The following IL12RB2 variants were observed in gnomAD, a reference collection of about 807,000 sequenced individuals.
IL12RB2 encodes the protein interleukin 12 receptor subunit beta 2.
In IL12RB2, 82 loss-of-function variants were observed where a neutral mutation model predicts 89.4. That is an observed-to-expected ratio of 0.92 (90% CI 0.77 to 1.10). The LOEUF (loss-of-function observed/expected upper bound fraction) is 1.10. Ranked by LOEUF, IL12RB2 falls within the 50% of genes least tolerant of loss-of-function variation. The probability of loss-of-function intolerance (pLI) is 0.00; values close to 1 mark genes in which losing one functional copy is unlikely to be tolerated. For missense variants in IL12RB2, 963 were observed against 1,031.9 expected (o/e 0.93, Z 0.92); for synonymous variants, 368 against 370.1 (o/e 0.99, Z 0.07).
intron 10 of IL12RB2, among the ~76,000 whole-genome samples, chr1:67,359,724 CA>C: frequency 6.6e-6 from 1 of 151,042 alleles, no homozygotes; most frequent in Middle Eastern, 3.4e-3. Context: ...AAAAAAAAAA[CA>C]AAAAAACACA....
At chr1:67,311,702 G>A (rs998891955) in intron 1 of IL12RB2, among the ~76,000 whole-genome samples, 32 of 152,176 alleles carry the variant, frequency 2.1e-4, no homozygotes, top group African/African-American at 7.5e-4. Flanking sequence ...AGGGTTGTTA[G>A]TGTAGAGACT....
intron 9 of IL12RB2, among the ~76,000 whole-genome samples, chr1:67,350,407 T>A (rs1352197925): frequency 6.6e-6 from 1 of 152,260 alleles, no homozygotes; most frequent in Admixed American, 6.5e-5. Flanking sequence ...CTGTTTGATG[T>A]CTTGAGCAGC....
chr1:67,352,428 T>C (rs913555655), intron 10 of IL12RB2, among the ~76,000 whole-genome samples: 9 of 152,224 alleles, frequency 5.9e-5, no homozygotes, highest in Non-Finnish European at 1.0e-4. Flanking sequence ...TGGTCCAAAA[T>C]GGCTGCCAAG....
chr1:67,388,223 C>T (rs928630819), intron 15 of IL12RB2, among the ~76,000 whole-genome samples: 5 of 152,158 alleles, frequency 3.3e-5, no homozygotes, highest in Admixed American at 6.5e-5. Flanking sequence ...GAAAACAAAA[C>T]TGTGGTACTT....
At chr1:67,369,669 T>C (rs542219059) in intron 11 of IL12RB2, among the ~76,000 whole-genome samples, 51 of 152,252 alleles carry the variant, frequency 3.3e-4, no homozygotes, top group Non-Finnish European at 4.4e-5. Flanking sequence ...TTGAACTACA[T>C]GGCAAGAGAG....
intron 14 of IL12RB2, among the ~76,000 whole-genome samples, chr1:67,383,820 C>T (rs573727642): frequency 1.3e-5 from 2 of 152,350 alleles, no homozygotes; most frequent in Admixed American, 1.3e-4. Context: ...ATTTTTCACT[C>T]ATGCAAAAAT....
intron 14 of IL12RB2, among the ~76,000 whole-genome samples, chr1:67,384,285 A>C (rs12750578): frequency 0.66 from 100,523 of 152,182 alleles, 33,820 homozygotes; most frequent in South Asian, 0.73. Context: ...ACAGGCCCAA[A>C]ACCACATGGA....
chr1:67,346,825 T>G (rs1660291020), intron 9 of IL12RB2, among the ~76,000 whole-genome samples: 1 of 152,148 alleles, frequency 6.6e-6, no homozygotes, highest in Admixed American at 6.5e-5. Context: ...GACTTCCATA[T>G]AGAACAGAAG....
intron 9 of IL12RB2, among the ~76,000 whole-genome samples, chr1:67,347,767 C>G (rs1660396033): frequency 6.6e-6 from 1 of 152,126 alleles, no homozygotes; most frequent in African/African-American, 2.4e-5. Context: ...GGCCTGAGAC[C>G]CATTCTTAGC....
chr1:67,341,040 G>A (rs1182091216), intron 9 of IL12RB2, among the ~76,000 whole-genome samples: 1 of 152,190 alleles, frequency 6.6e-6, no homozygotes, highest in Non-Finnish European at 1.5e-5. Flanking sequence ...TTTAGAAAAT[G>A]TTTCCTTTTG....
intron 10 of IL12RB2, 150 bp from the exon 11 acceptor site, chr1:67,367,675 A>G: frequency 1.5e-6 from 1 of 671,874 alleles, no homozygotes; most frequent in African/African-American, 1.8e-5. Flanking sequence ...AAATGAAATG[A>G]ACTTAAATCT....
Position 67,390,128 on chromosome 1 carries a change from G to C in IL12RB2, c.2046G>C (p.Glu682Asp), listed in dbSNP as rs575274976. 2 of 1,081,850 alleles carry C rather than the reference G, an allele frequency of 1.8e-6. No homozygotes were observed. The highest frequency in any genetic ancestry group is 4.7e-5 in the East Asian group (2 of 42,512). 67.0% of individuals were successfully genotyped at this position (1,081,850 alleles called of 1,614,324 possible). ...GCGCTAAGAAATATCCCATTGCAGA[G>C]GTAAGGTACAATTCCTCTGTGGTCA... Reference protein sequence around the residue: ...STCAKKYPIAEEKTQLPLDRL... With the variant: ...STCAKKYPIADEKTQLPLDRL... The change falls in exon 16 of 17, where the codon GAG (glutamate) becomes GAC (aspartate). Residue 682 changes from glutamate (E) to aspartate (D), a missense_variant and splice_region_variant. Transcript: ENST00000674203.
intron 16 of IL12RB2, among the ~76,000 whole-genome samples, chr1:67,391,455 TA>T (rs1409281185): frequency 6.8e-6 from 1 of 147,764 alleles, no homozygotes; most frequent in Non-Finnish European, 1.5e-5. Flanking sequence ...TACTATTTTA[TA>T]TATATAATAT....
At chr1:67,381,921 G>T (rs12126445) in intron 14 of IL12RB2, among the ~76,000 whole-genome samples, 30 of 151,828 alleles carry the variant, frequency 2.0e-4, no homozygotes, top group African/African-American at 5.6e-4. Flanking sequence ...AGGAGGCAGA[G>T]GTTGCAGGGA....
intron 2 of IL12RB2, 111 bp downstream of exon 2, chr1:67,314,111 A>G (rs1655449627): frequency 6.6e-6 from 1 of 152,198 alleles, no homozygotes; most frequent in Admixed American, 6.5e-5. Flanking sequence ...CACACTTGAA[A>G]CAATCATTTG....
chr1:67,313,140 A>T (rs12407551), intron 1 of IL12RB2, among the ~76,000 whole-genome samples: 4,968 of 152,334 alleles, frequency 0.033, 121 homozygotes, highest in Non-Finnish European at 0.047. Flanking sequence ...TAACTCAGGA[A>T]ATTTCATGAA....
intron 11 of IL12RB2, 57 bp from the exon 12 acceptor site, chr1:67,372,379 C>G: frequency 2.2e-6 from 2 of 922,440 alleles, no homozygotes; most frequent in African/African-American, 1.6e-5. Flanking sequence ...AAATGGCTCC[C>G]TTTAGTGACT....
chr1:67,389,995 C>A (rs747946126), intron 15 of IL12RB2, 34 bp from the exon 16 acceptor site: 1 of 903,324 alleles, frequency 1.1e-6, no homozygotes, highest in Non-Finnish European at 1.9e-6. Context: ...TGTGTGCACA[C>A]CTAAGGAAAT....
chr1:67,328,375 T>A lies in IL12RB2; in HGVS notation c.655T>A (p.Leu219Met). Residue 219 changes from leucine (L) to methionine (M), a missense_variant, in exon 6 of 17, where the codon TTG becomes ATG. Transcript: ENST00000674203. ...TTCACTTCCATCCACATTCACATTC[T>A]TGGACATAGGTACATTTTATTTCAC... ...SSSLPSTFTF[L>M]DIVRPLPPWD... is the part of the protein sequence containing the mutation. 6.2e-7 allele frequency: 1 copy of A among 1,614,194 alleles called. No homozygotes were observed. Among genetic ancestry groups the A allele is most frequent in the Non-Finnish European group, 8.5e-7 (1 of 1,180,036 alleles).
Sources: allele counts gnomAD v4.1 joint callset (sites outside exome capture counted in the v4.1 genomes callset), GRCh38; gene constraint gnomAD v4.1.1; transcripts MANE v1.5; gene names NCBI Gene and HGNC (gene_info 2026-07-23, HGNC 2026-07-21).